Variants in ZNF516 observed in about 807,000 individuals in gnomAD.
ZNF516 encodes the protein zinc finger protein 516.
Under a neutral mutation model 79.7 loss-of-function variants are expected in ZNF516, and 19 were observed. The observed-to-expected ratio is 0.24, with a 90% CI of 0.17 to 0.35. The LOEUF (loss-of-function observed/expected upper bound fraction) is 0.35. Among genes scored for constraint, ZNF516 ranks in the 10% least tolerant of loss-of-function variants. ZNF516 has a pLI of 1.00. For synonymous variants in ZNF516, 877 were observed against 739.5 expected (o/e 1.19, Z -3.02); for missense variants, 1,678 against 1,679.5 (o/e 1.00, Z 0.02).
intron 3 of ZNF516, among the ~76,000 whole-genome samples, chr18:76,404,717 G>A (rs1160792699): frequency 1.4e-5 from 2 of 140,876 alleles, no homozygotes; most frequent in South Asian, 2.4e-4. Flanking sequence ...ATATGCACGT[G>A]TGCATGTGAT....
intron 3 of ZNF516, among the ~76,000 whole-genome samples, chr18:76,397,886 C>T (rs1205344017): frequency 6.6e-6 from 1 of 152,208 alleles, no homozygotes; most frequent in Admixed American, 6.5e-5. Context: ...TGAGCCACTG[C>T]GCCCCCAGCC....
At position 76,455,980 on chromosome 18, in the gene ZNF516, T is replaced by TC. The variant is rs141811324; in HGVS notation, c.-158+7047dup. ...AGAGAGACCATTGTTACCTCCCTGT[T>TC]CCCCTCCCAGAGACTGGGCTCGGCA... On this transcript the variant is annotated intron_variant, in intron 2 of 6. Transcript: ENST00000443185. Among the ~76,000 whole-genome samples, 1,007 of 152,280 alleles carry TC rather than the reference T, an allele frequency of 6.6e-3. 19 individuals are homozygous for TC. The highest frequency in any genetic ancestry group is 0.024 in the African/African-American group (979 of 41,560).
intron 6 of ZNF516, among the ~76,000 whole-genome samples, chr18:76,365,500 A>T (rs1330161509): frequency 6.6e-6 from 1 of 152,244 alleles, no homozygotes; most frequent in Non-Finnish European, 1.5e-5. Flanking sequence ...CCAGATTTCA[A>T]CATATTGTTT....
rs1225087564 is a variant in ZNF516 at position 76,467,728 on chromosome 18, G to A, written c.-271-4587C>T. The stretch of plus-strand genomic sequence containing the variant: ...CATGGGCTGCCTCATTTTCAAAGCA[G>A]AAGTTTAGCAATTTCCTGCATTTGC... On this transcript the variant is annotated intron_variant, in intron 1 of 6. Transcript: ENST00000443185. This position sits in a 1 kb window ranked among gnomAD's most constrained non-coding sequence, Gnocchi z 4.2. 6.6e-6 allele frequency among the ~76,000 whole-genome samples: 1 copy of A among 152,222 alleles called. No individual in the cohort carries two copies. Among genetic ancestry groups the A allele is most frequent in the Non-Finnish European group, 1.5e-5 (1 of 68,044 alleles).
At chr18:76,382,875 G>A (rs1039863550) in intron 3 of ZNF516, among the ~76,000 whole-genome samples, 9 of 152,100 alleles carry the variant, frequency 5.9e-5, no homozygotes, top group Middle Eastern at 3.4e-3. Flanking sequence ...GCAAAACCTC[G>A]TCTCTACTAA....
intron 2 of ZNF516, among the ~76,000 whole-genome samples, chr18:76,444,501 C>T (rs186890625): frequency 6.6e-6 from 1 of 152,216 alleles, no homozygotes; most frequent in African/African-American, 2.4e-5. Flanking sequence ...AAACCCAAAG[C>T]AGCTCCATAT....
At chr18:76,496,357 G>A, upstream of ZNF516, 4 of 1,289,726 alleles carry the variant, frequency 3.1e-6, no homozygotes, top group Non-Finnish European at 4.0e-6. Flanking sequence ...GCCCAACGTG[G>A]CTCCGCGTAG....
Position 76,362,219 on chromosome 18 carries a change from T to C in ZNF516, c.*279A>G, listed in dbSNP as rs1020038064. The C allele has an allele frequency of 5.5e-6, 2 of 365,784 alleles. No individual in the cohort carries two copies. The highest frequency in any genetic ancestry group is 1.0e-5 in the Non-Finnish European group (2 of 199,202). The allele number at this position is 365,784 out of a possible 1,614,324, so 22.7% of individuals were successfully genotyped here. A position where few individuals can be genotyped will look rare whatever the true frequency, so the allele number is the denominator to read the frequency against. On this transcript the variant is annotated 3_prime_UTR_variant, in exon 7 of 7. Coordinates refer to ENST00000443185, the MANE Select transcript of ZNF516 (RefSeq NM_014643.4). ...AGTACTACTGTTTATTATAAGAAAA[T>C]ATGGGACTATGGACGATGAGCACGT...
At chr18:76,455,058 C>A (rs1400728467) in intron 2 of ZNF516, among the ~76,000 whole-genome samples, 3 of 152,138 alleles carry the variant, frequency 2.0e-5, no homozygotes, top group African/African-American at 7.2e-5. Context: ...ACCCTTTATC[C>A]CAGCCTGGGT....
At chr18:76,488,137 C>T (rs751718482) in intron 1 of ZNF516, 36 of 985,200 alleles carry the variant, frequency 3.7e-5, no homozygotes, top group Non-Finnish European at 4.2e-5. Context: ...ATCACCCACT[C>T]AGACCCCACA....
intron 1 of ZNF516, among the ~76,000 whole-genome samples, chr18:76,484,751 TTC>T (rs1368410560): frequency 5.3e-5 from 8 of 152,368 alleles, no homozygotes; most frequent in South Asian, 4.1e-4. Flanking sequence ...TGTAATAACT[TTC>T]TTTTTAATCA....
chr18:76,366,804 T>C (rs1483146032), intron 6 of ZNF516, among the ~76,000 whole-genome samples: 2 of 152,182 alleles, frequency 1.3e-5, no homozygotes, highest in Non-Finnish European at 2.9e-5. Context: ...CCACAGCAAG[T>C]ATACAAAATA....
chr18:76,424,907 GA>G (rs1303576759), intron 3 of ZNF516, among the ~76,000 whole-genome samples: 1 of 128,308 alleles, frequency 7.8e-6, no homozygotes, highest in East Asian at 2.5e-4. Flanking sequence ...GTTCCCCCAT[GA>G]AACACACATG....
Position 76,442,479 on chromosome 18 carries a change from G to T in ZNF516, c.576C>A (p.His192Gln). Reference sequence around the variant, plus strand: ...TGAACGGCTTGTGCGCCTGGTGCACGTGCAGCTCCAGGTCCTTCTTACGCT... The same window carrying T: ...TGAACGGCTTGTGCGCCTGGTGCACTTGCAGCTCCAGGTCCTTCTTACGCT... ...QFERKKDLEL[H>Q]VHQAHKPFKC... The change falls in exon 3 of 7, where the codon CAC (histidine) becomes CAA (glutamine). Residue 192 changes from histidine to glutamine, a missense_variant. This residue lies in a region of ZNF516 where 279 missense variants were observed against 254.1 expected (regional missense o/e 1.10). Transcript: ENST00000443185. 6.2e-7 allele frequency: 1 copy of T among 1,603,798 alleles called. No homozygotes were observed.
chr18:76,385,298 GCA>G (rs2074969171), intron 3 of ZNF516, among the ~76,000 whole-genome samples: 1 of 152,186 alleles, frequency 6.6e-6, no homozygotes, highest in African/African-American at 2.4e-5. Context: ...GGCTGGTGCC[GCA>G]CACCGCCGAC....
rs2074837530 is a variant in ZNF516, at chr18:76,379,002, C to T, written c.3112G>A (p.Val1038Ile). The T allele has an allele frequency of 5.2e-5, 84 of 1,612,432 alleles. No individual in the cohort carries two copies. Among genetic ancestry groups the T allele is most frequent in the South Asian group, 4.8e-4 (44 of 91,072 alleles). ...AQPGVAGAPP[V>I]LHSIKQEPVA... ...GGCTCCTGTTTGATGGAGTGTAGGA[C>T]GGGGGGCGCCCCAGCCACGCCGGGC... Residue 1038 changes from valine (V) to isoleucine (I), a missense_variant, in exon 4 of 7, where the codon GTC becomes ATC. Coordinates refer to ENST00000443185, the MANE Select transcript of ZNF516 (RefSeq NM_014643.4).
chr18:76,435,254 A>T (rs995246856), intron 3 of ZNF516, among the ~76,000 whole-genome samples: 2 of 152,230 alleles, frequency 1.3e-5, no homozygotes, highest in East Asian at 3.8e-4. Flanking sequence ...GCGGGAAGAA[A>T]GCCCCGGAGT....
At chr18:76,476,943 A>T (rs1914208712) in intron 1 of ZNF516, among the ~76,000 whole-genome samples, 1 of 152,280 alleles carries the variant, frequency 6.6e-6, no homozygotes, top group Admixed American at 6.5e-5. Flanking sequence ...GTGGAGACTC[A>T]GGTGGATTTG....
intron 1 of ZNF516, among the ~76,000 whole-genome samples, chr18:76,471,788 T>C (rs1278815933): frequency 6.6e-6 from 1 of 152,136 alleles, no homozygotes; most frequent in Admixed American, 6.5e-5. Flanking sequence ...AAGATCCCTA[T>C]CTTACTGCAG....
Sources: allele counts gnomAD v4.1 joint callset (sites outside exome capture counted in the v4.1 genomes callset), GRCh38; gene constraint gnomAD v4.1.1; regional missense constraint gnomAD v4.1.1; non-coding constraint Gnocchi (gnomAD v3.1); transcripts MANE v1.5; gene names NCBI Gene and HGNC (gene_info 2026-07-23, HGNC 2026-07-21).